The following NUMA1 variants were observed in gnomAD, a reference collection of about 807,000 sequenced individuals.
NUMA1 encodes the protein SP-H antigen.
Under a neutral mutation model 237.1 loss-of-function variants are expected in NUMA1, and 62 were observed. The ratio of observed to expected loss-of-function variants is 0.26; its 90% CI spans 0.21 to 0.32. The LOEUF is 0.32. Among genes scored for constraint, NUMA1 ranks in the 10% least tolerant of loss-of-function variants. The pLI is 1.00. For missense variants in NUMA1, 2,533 were observed against 2,666.5 expected (o/e 0.95, Z 1.10); for synonymous variants, 1,028 against 1,066.1 (o/e 0.96, Z 0.70).
chr11:72,073,065 A>AAAAAAAAAAAAAAAAAC (rs1943536647), intron 1 of NUMA1, among the ~76,000 whole-genome samples: 1 of 148,030 alleles, frequency 6.8e-6, no homozygotes, highest in African/African-American at 2.5e-5. Flanking sequence ...AAAAAAAAAA[A>AAAAAAAAAAAAAAAAAC]AAAGCTGCCT....
chr11:72,018,581 G>A (rs1590927661), intron 10 of NUMA1, 68 bp from the exon 11 acceptor site: 1 of 1,340,646 alleles, frequency 7.5e-7, no homozygotes, highest in East Asian at 2.3e-5. Flanking sequence ...TATGTGCACA[G>A]AACTATGTGC....
At position 72,013,342 on chromosome 11, in the gene NUMA1, C is replaced by T. The variant is rs756386328; in HGVS notation, c.4161G>A (p.Gln1387=). ...GCAGTCCCCCAGCGGCCTGCTTGCTCTGCTCCAGCTCCTCACGGTGGCGTT... is the reference window on the plus strand; with the variant it reads ...GCAGTCCCCCAGCGGCCTGCTTGCTTTGCTCCAGCTCCTCACGGTGGCGTT... ...AEKRHREELE[Q]SKQAAGGLRA... The change falls in exon 15 of 27, where the codon CAG becomes CAA. Residue 1387 remains glutamine, a synonymous_variant. Transcript: ENST00000393695. This position sits in a 1 kb window ranked among gnomAD's most constrained non-coding sequence, Gnocchi z 6.8. 1.9e-5 allele frequency: 30 copies of T among 1,607,808 alleles called. No individual in the cohort carries two copies. Among genetic ancestry groups the T allele is most frequent in the Non-Finnish European group, 2.5e-5 (29 of 1,179,878 alleles).
chr11:72,057,084 A>G (rs1279020959), intron 2 of NUMA1, among the ~76,000 whole-genome samples: 1 of 152,094 alleles, frequency 6.6e-6, no homozygotes, highest in East Asian at 1.9e-4. Flanking sequence ...GCAAAAAAAA[A>G]AAAAAGAAAG....
Position 72,023,114 on chromosome 11 carries a change from A to T in NUMA1, c.242T>A (p.Leu81Gln), listed in dbSNP as rs201872246. 1.9e-4 allele frequency: 301 copies of T among 1,613,968 alleles called. No individual in the cohort carries two copies. The highest frequency in any genetic ancestry group is 2.3e-4 in the Non-Finnish European group (269 of 1,179,922). Residue 81 changes from leucine to glutamine, a missense_variant, in exon 6 of 27, where the codon CTG (leucine) becomes CAG (glutamine). Transcript: ENST00000393695. ...NRKHPSSPEC[L>Q]VSAQKVLEGS... is the part of the protein sequence containing the mutation. ...CTCTAGCACCTTCTGTGCAGATACC[A>T]GGCATTCTGGGGAAGAGGGATGTTT...
intron 2 of NUMA1, among the ~76,000 whole-genome samples, chr11:72,038,938 T>C (rs909331492): frequency 6.6e-6 from 1 of 152,094 alleles, no homozygotes; most frequent in Non-Finnish European, 1.5e-5. Context: ...CACCCTCTCT[T>C]TTCCCTGGTC....
chr11:72,009,200 G>C lies in NUMA1; in HGVS notation c.4840-15C>G. 2.6e-6 allele frequency: 2 copies of C among 768,366 alleles called. No homozygotes were observed. The highest frequency in any genetic ancestry group is 3.9e-6 in the Non-Finnish European group (2 of 508,114). 47.6% of individuals were successfully genotyped at this position (768,366 alleles called of 1,614,324 possible). On this transcript the variant is annotated splice_polypyrimidine_tract_variant and intron_variant, in intron 18 of 26. Transcript: ENST00000393695. ...GCTTTCTCCATCTGTGGGCAGAGAG[G>C]GTGGGTGGGTGGGGTAGAGGTTGAA...
chr11:72,057,850 G>A (rs1247566302), intron 2 of NUMA1, among the ~76,000 whole-genome samples: 14 of 150,266 alleles, frequency 9.3e-5, no homozygotes, highest in Non-Finnish European at 1.9e-4. Flanking sequence ...CAGGTGGATC[G>A]CCTGAGGGCA....
intron 2 of NUMA1, among the ~76,000 whole-genome samples, chr11:72,063,277 G>A (rs553026229): frequency 6.6e-6 from 1 of 152,254 alleles, no homozygotes; most frequent in Non-Finnish European, 1.5e-5. Context: ...CAGTTACTCG[G>A]GAGGCTGATG....
chr11:72,010,724 A>G, intron 17 of NUMA1, 62 bp downstream of exon 17: 2 of 1,517,472 alleles, frequency 1.3e-6, no homozygotes, highest in Admixed American at 1.8e-5. Flanking sequence ...ACGGCCCCAG[A>G]GCTTAGAGAA....
chr11:72,078,002 T>C (rs1408594147), intron 1 of NUMA1, among the ~76,000 whole-genome samples: 1 of 151,922 alleles, frequency 6.6e-6, no homozygotes, highest in East Asian at 1.9e-4. Flanking sequence ...ATGGGTAAAA[T>C]GAAATAATCA....
At position 72,006,519 on chromosome 11, in the gene NUMA1, C is replaced by T. The variant is rs1955720914; in HGVS notation, c.5464-256G>A. On this transcript the variant is annotated intron_variant, in intron 21 of 26. Coordinates refer to ENST00000393695, the MANE Select transcript of NUMA1 (RefSeq NM_006185.4). ...TCATAATGCTTTGAGGTAGGGAATG[C>T]AGAGTGTTTATCGGCCCATTTTGGA... 2.6e-5 allele frequency among the ~76,000 whole-genome samples: 4 copies of T among 152,270 alleles called. No homozygotes were observed. In the South Asian group the frequency reaches 8.3e-4, roughly 32 times the overall value.
Position 72,015,647 on chromosome 11 carries a change from A to G in NUMA1, c.1856T>C (p.Ile619Thr), listed in dbSNP as rs950451479. The G allele has an allele frequency of 7.4e-6, 12 of 1,613,796 alleles. No individual in the cohort carries two copies. The highest frequency in any genetic ancestry group is 1.0e-5 in the Non-Finnish European group (12 of 1,180,022). Reference sequence around the variant, plus strand: ...AGCCACCTGAAGTTGCTGCTGCAGAATCTCCAGCTTGGCAGCCTTCTCCTT... The same window carrying G: ...AGCCACCTGAAGTTGCTGCTGCAGAGTCTCCAGCTTGGCAGCCTTCTCCTT... ...LEKEKAAKLE[I>T]LQQQLQVANE... The change falls in exon 15 of 27, where the codon ATT becomes ACT. Residue 619 changes from isoleucine to threonine, a missense_variant. This residue lies in a region of NUMA1 where 1,414 missense variants were observed against 1,508.1 expected (regional missense o/e 0.94). Transcript: ENST00000393695. This position sits in a 1 kb window ranked among gnomAD's most constrained non-coding sequence, Gnocchi z 4.0.
chr11:72,046,578 T>C (rs763786051), intron 2 of NUMA1, among the ~76,000 whole-genome samples: 9 of 128,242 alleles, frequency 7.0e-5, no homozygotes, highest in Non-Finnish European at 1.3e-4. Context: ...AAGAAAGGGG[T>C]GGAGAGCGGG....
chr11:72,032,097 G>C (rs536057830), intron 3 of NUMA1, among the ~76,000 whole-genome samples: 2 of 152,150 alleles, frequency 1.3e-5, no homozygotes, highest in Non-Finnish European at 2.9e-5. Flanking sequence ...GGAGTTCCAG[G>C]CTGCTGTGAG....
intron 1 of NUMA1, among the ~76,000 whole-genome samples, chr11:72,075,383 T>C (rs1943663012): frequency 6.6e-6 from 1 of 152,162 alleles, no homozygotes; most frequent in African/African-American, 2.4e-5. Flanking sequence ...ACAACAGAAG[T>C]TGGTTCTTCC....
intron 20 of NUMA1, chr11:72,007,858 G>C (rs781065325): frequency 4.6e-5 from 16 of 350,684 alleles, no homozygotes; most frequent in Non-Finnish European, 7.1e-5. Flanking sequence ...CAAGCTTCCT[G>C]AACAGCTCCT....
At chr11:72,042,064 A>T (rs1377113052) in intron 2 of NUMA1, 1 of 152,374 alleles carries the variant, frequency 6.6e-6, no homozygotes, top group Non-Finnish European at 1.5e-5. Context: ...CGAGTACGCC[A>T]GGCACTGGCT....
chr11:72,048,771 G>A (rs1894004), intron 2 of NUMA1, among the ~76,000 whole-genome samples: 141,069 of 152,180 alleles, frequency 0.93, 65,629 homozygotes, highest in Non-Finnish European at 0.98. Context: ...TACAAACACT[G>A]AAGGGCCAAA....
Position 72,014,622 on chromosome 11 carries a change from A to G in NUMA1, c.2881T>C (p.Cys961Arg), listed in dbSNP as rs1240810751. 2 of 1,609,450 alleles carry G rather than the reference A, an allele frequency of 1.2e-6. No homozygotes were observed. The highest frequency in any genetic ancestry group is 1.3e-5 in the African/African-American group (1 of 75,048). The change falls in exon 15 of 27, where the codon TGC becomes CGC. Residue 961 changes from cysteine (C) to arginine (R), a missense_variant. Around this residue, in one of 3 missense-constraint regions of NUMA1, gnomAD observed 1,414 missense variants for 1,508.1 expected, o/e 0.94. Transcript: ENST00000393695. The surrounding 1 kb of genome is among the most constrained non-coding windows in gnomAD (Gnocchi z 4.6). ...GCCTGCAGCGCTGCCTGTGTGCTGC[A>G]GAACTGGCGTCCCTGTTGCTCTTCC... ...WLEEQQGRQF[C>R]STQAALQAME...
Sources: gnomAD v4.1 joint callset for allele counts (sites outside exome capture counted in the v4.1 genomes callset) on GRCh38, gnomAD v4.1.1 for gene constraint, gnomAD v4.1.1 regional missense constraint, Gnocchi (gnomAD v3.1) non-coding constraint, MANE v1.5 for transcripts, NCBI Gene and HGNC (gene_info 2026-07-23, HGNC 2026-07-21) for gene names.